Variants in PSMA3 observed in about 807,000 individuals in gnomAD.
PSMA3 encodes proteasome 20S subunit alpha 3, also known as proteasome subunit alpha type-3.
In PSMA3, 8 loss-of-function variants were observed where a neutral mutation model predicts 40.0. That is an observed-to-expected ratio of 0.20 (90% CI 0.12 to 0.36). The LOEUF is 0.36. Among genes scored for constraint, PSMA3 ranks in the 10% least tolerant of loss-of-function variants. The pLI, the probability that PSMA3 is intolerant of heterozygous loss-of-function variation, is 1.00. For missense variants in PSMA3, 219 were observed against 310.6 expected, an observed-to-expected ratio of 0.70 and a Z score of 2.22; for synonymous variants, 110 against 100.0, an observed-to-expected ratio of 1.10 and a Z score of -0.59.
intron 7 of PSMA3, chr14:58,266,190 CTTAAAT>C (rs1336935168): frequency 3.3e-5 from 5 of 152,290 alleles, no homozygotes; most frequent in African/African-American, 1.2e-4. Context: ...AAGTAGTACT[CTTAAAT>C]TTAAATTTAG....
intron 3 of PSMA3, among the ~76,000 whole-genome samples, chr14:58,253,594 G>A (rs1271860799): frequency 6.6e-6 from 1 of 151,846 alleles, no homozygotes; most frequent in Non-Finnish European, 1.5e-5. Flanking sequence ...CAAATGACAG[G>A]ATTTTATTTT....
chr14:58,245,344 T>G (rs759166135), intron 1 of PSMA3: 1 of 228,446 alleles, frequency 4.4e-6, no homozygotes, highest in Non-Finnish European at 9.1e-6. Context: ...TTTTGTGGAC[T>G]GCGTTTGCAG....
chr14:58,260,970 G>A lies in PSMA3; in HGVS notation c.427G>A (p.Val143Met), dbSNP rs756227737. 6.2e-7 allele frequency: 1 copy of A among 1,612,602 alleles called. No homozygotes were observed. The highest frequency in any genetic ancestry group is 1.1e-5 in the South Asian group (1 of 90,930). Residue 143 changes from valine to methionine, a missense_variant, in exon 6 of 11, where the codon GTG becomes ATG. Physicochemically the swap from Val to Met is conservative, Grantham distance 21 (BLOSUM62 1). Coordinates refer to ENST00000216455, the MANE Select transcript of PSMA3 (RefSeq NM_002788.4). The stretch of plus-strand genomic sequence containing the variant: ...CAGTTTCATGTTAGGGTCTTACAGT[G>A]TGAATGACGGTGCGCAACTCTACAT... ...GCSFMLGSYS[V>M]NDGAQLYMID...
chr14:58,260,730 A>G (rs1213921064), intron 5 of PSMA3, among the ~76,000 whole-genome samples: 2 of 152,054 alleles, frequency 1.3e-5, no homozygotes, highest in African/African-American at 2.4e-5. Context: ...CCTTCATCAG[A>G]AAGATTAATA....
At chr14:58,267,172 T>C (rs931139667) in intron 7 of PSMA3, 1 of 188,590 alleles carries the variant, frequency 5.3e-6, no homozygotes, top group African/African-American at 2.4e-5. Flanking sequence ...CCAGCTCTTT[T>C]GTATTTTTAA....
chr14:58,269,127 C>CT (rs1890535862), intron 8 of PSMA3, among the ~76,000 whole-genome samples: 1 of 151,888 alleles, frequency 6.6e-6, no homozygotes, highest in Admixed American at 6.6e-5. Flanking sequence ...TAGAGACAGG[C>CT]TTTACCATCT....
chr14:58,253,960 GTTT>G (rs1318720617), intron 3 of PSMA3, among the ~76,000 whole-genome samples: 1 of 152,006 alleles, frequency 6.6e-6, no homozygotes, highest in African/African-American at 2.4e-5. Context: ...TCTTTTTACT[GTTT>G]TTTTGTTGTT....
rs544540648 is a variant in PSMA3 at position 58,254,333 on chromosome 14, C to CATATATATATAT, written c.228+2101_228+2102insATATATATATAT. Among the ~76,000 whole-genome samples the CATATATATATAT allele has an allele frequency of 7.9e-3, 187 of 23,788 alleles. 50 individuals carry two copies. The highest frequency in any genetic ancestry group is 0.022 in the African/African-American group (159 of 7,360). The allele number at this position is 23,788 out of a possible 152,430, so 15.6% of individuals were successfully genotyped here. On this transcript the variant is annotated intron_variant, in intron 3 of 10. Transcript: ENST00000216455. The stretch of plus-strand genomic sequence containing the variant: ...AATATTTTGAAAAAAATTATGCATG[C>CATATATATATAT]ATATATATATGTATGTACACACACA...
At chr14:58,249,018 T>C (rs936577635) in intron 2 of PSMA3, among the ~76,000 whole-genome samples, 3 of 152,242 alleles carry the variant, frequency 2.0e-5, no homozygotes, top group Non-Finnish European at 2.9e-5. Context: ...CAGGCTGGAG[T>C]GCAATGGCAC....
intron 6 of PSMA3, among the ~76,000 whole-genome samples, chr14:58,262,341 G>A (rs182809624): frequency 5.5e-3 from 836 of 152,200 alleles, no homozygotes; most frequent in Non-Finnish European, 9.0e-3. Flanking sequence ...AGTAGGCTGG[G>A]ATTAGAAGCA....
At chr14:58,245,084 C>A in intron 1 of PSMA3, 143 bp downstream of exon 1, 1 of 1,066,892 alleles carries the variant, frequency 9.4e-7, no homozygotes, top group Non-Finnish European at 1.4e-6. Context: ...TGTTTGGAGA[C>A]CGGTCGTCTT....
chr14:58,255,712 T>A (rs556581108), intron 3 of PSMA3, among the ~76,000 whole-genome samples: 1 of 152,198 alleles, frequency 6.6e-6, no homozygotes, highest in South Asian at 2.1e-4. Flanking sequence ...GAGGTTGCGG[T>A]GAGCCGCGAT....
chr14:58,246,931 C>A (rs1436413042), intron 1 of PSMA3, among the ~76,000 whole-genome samples: 1 of 152,158 alleles, frequency 6.6e-6, no homozygotes, highest in Non-Finnish European at 1.5e-5. Flanking sequence ...AATACAGAGT[C>A]CTTTTTCCAT....
intron 5 of PSMA3, 106 bp downstream of exon 5, chr14:58,258,104 A>G: frequency 2.5e-6 from 2 of 800,562 alleles, no homozygotes; most frequent in Middle Eastern, 3.5e-4. Context: ...AAACTCGTCG[A>G]TAAGTATTAG....
rs553496649 is a variant in PSMA3 at position 58,255,630 on chromosome 14, G to A, written c.229-2115G>A. Among the ~76,000 whole-genome samples, 5 of 152,270 alleles carry A rather than the reference G, an allele frequency of 3.3e-5. No homozygotes were observed. In the East Asian group the frequency reaches 9.7e-4, roughly 29 times the overall value. Reference sequence around the variant, plus strand: ...CTAAAAACACAAAAATTAGCCGGGCGTGGTGGCGCATGCCTGTACTCCCAG... The same window carrying A: ...CTAAAAACACAAAAATTAGCCGGGCATGGTGGCGCATGCCTGTACTCCCAG... On this transcript the variant is annotated intron_variant, in intron 3 of 10. Coordinates refer to ENST00000216455, the MANE Select transcript of PSMA3 (RefSeq NM_002788.4).
At chr14:58,252,266 C>T in intron 3 of PSMA3, 24 bp downstream of exon 3, 2 of 1,595,188 alleles carry the variant, frequency 1.3e-6, no homozygotes, top group South Asian at 1.1e-5. Context: ...TAAAATGTTC[C>T]TTTTTGTCTT....
intron 6 of PSMA3, chr14:58,263,475 A>G (rs1013837049): frequency 1.3e-5 from 5 of 371,980 alleles, no homozygotes; most frequent in East Asian, 9.1e-5. Context: ...CATAATTTAC[A>G]TATTTTTGGA....
At chr14:58,251,892 A>G (rs74057656) in intron 2 of PSMA3, among the ~76,000 whole-genome samples, 2,094 of 152,220 alleles carry the variant, frequency 0.014, 44 homozygotes, top group African/African-American at 0.048. Flanking sequence ...ATATTAATAT[A>G]TTTTTAGTCA....
intron 1 of PSMA3, among the ~76,000 whole-genome samples, chr14:58,247,020 T>G (rs956245747): frequency 3.3e-5 from 5 of 152,236 alleles, no homozygotes; most frequent in African/African-American, 9.6e-5. Flanking sequence ...TTACAGTGCT[T>G]GGGACACAGT....
Sources: allele counts gnomAD v4.1 joint callset (sites outside exome capture counted in the v4.1 genomes callset), GRCh38; gene constraint gnomAD v4.1.1; transcripts MANE v1.5; gene names NCBI Gene and HGNC (gene_info 2026-07-23, HGNC 2026-07-21).